ROBO1: variants seen among roughly 807,000 people sequenced by gnomAD.
The protein encoded by ROBO1 is roundabout guidance receptor 1, also known as roundabout homolog 1.
ROBO1 carries 149 observed loss-of-function variants against 195.9 expected under a neutral mutation model. That is an observed-to-expected ratio of 0.76 (90% CI 0.67 to 0.87). The LOEUF is 0.87. Among genes scored for constraint, ROBO1 ranks in the 40% least tolerant of loss-of-function variants. ROBO1 has a pLI of 0.00. For missense variants in ROBO1, 1,933 were observed against 2,068.3 expected (o/e 0.93, Z 1.27); for synonymous variants, 816 against 733.2 (o/e 1.11, Z -1.82).
At chr3:79,281,910 C>A (rs2031546258) in intron 2 of ROBO1, among the ~76,000 whole-genome samples, 2 of 152,144 alleles carry the variant, frequency 1.3e-5, no homozygotes, top group South Asian at 4.1e-4. Context: ...TTCTAGGTAT[C>A]AAAATGAATA....
intron 2 of ROBO1, among the ~76,000 whole-genome samples, chr3:79,446,604 G>C (rs4284943): frequency 0.64 from 97,807 of 151,958 alleles, 32,330 homozygotes; most frequent in African/African-American, 0.8. Context: ...TATTTTTAAA[G>C]CATGTTATAC....
chr3:78,617,954 A>G lies in ROBO1; in HGVS notation c.3963T>C (p.Asp1321=), dbSNP rs1263077704. The change falls in exon 27 of 31, where the codon GAT becomes GAC. Residue 1321 remains aspartate, a synonymous_variant. Transcript: ENST00000464233. Reference sequence around the variant, plus strand: ...CCTCTTCTGGCGCATCCGTATCCATATCTGAGACCAGGGGTCCTGAAATGT... The same window carrying G: ...CCTCTTCTGGCGCATCCGTATCCATGTCTGAGACCAGGGGTCCTGAAATGT... The part of the protein sequence containing the change: ...YGYISGPLVS[D]MDTDAPEEEE... 1 of 1,613,946 alleles carries G rather than the reference A, an allele frequency of 6.2e-7. No individual in the cohort carries two copies. The highest frequency in any genetic ancestry group is 1.7e-5 in the Admixed American group (1 of 60,014).
intron 4 of ROBO1, among the ~76,000 whole-genome samples, chr3:78,767,746 T>G (rs977234385): frequency 3.3e-5 from 5 of 152,204 alleles, no homozygotes; most frequent in African/African-American, 1.2e-4. Flanking sequence ...TGATCTTTTG[T>G]ATTTCAGTGG....
chr3:79,480,512 T>C (rs1363462278), intron 2 of ROBO1, among the ~76,000 whole-genome samples: 1 of 152,162 alleles, frequency 6.6e-6, no homozygotes, highest in Non-Finnish European at 1.5e-5. Context: ...ATTTTTTTTG[T>C]CTCACTTAAT....
At chr3:78,652,746 T>A (rs1706752987) in intron 18 of ROBO1, among the ~76,000 whole-genome samples, 2 of 152,186 alleles carry the variant, frequency 1.3e-5, no homozygotes, top group African/African-American at 2.4e-5. Flanking sequence ...TGCTGGCCAT[T>A]TTGATTCATT....
chr3:78,888,439 G>C (rs2036691081), intron 4 of ROBO1, among the ~76,000 whole-genome samples: 1 of 152,140 alleles, frequency 6.6e-6, no homozygotes, highest in Non-Finnish European at 1.5e-5. Flanking sequence ...TCTGTGGTTA[G>C]AGACTTAAAA....
intron 1 of ROBO1, among the ~76,000 whole-genome samples, chr3:79,649,853 C>T (rs768776203): frequency 3.3e-5 from 5 of 152,058 alleles, no homozygotes; most frequent in South Asian, 2.1e-4. Context: ...TTCTGGAGAT[C>T]GGACGCATCC....
At chr3:78,743,603 T>C (rs1037136822) in intron 5 of ROBO1, among the ~76,000 whole-genome samples, 1 of 149,558 alleles carries the variant, frequency 6.7e-6, no homozygotes, top group Admixed American at 6.6e-5. Context: ...CTATGCTATA[T>C]GTGCTAAAAA....
At chr3:79,465,817 G>A (rs1937927172) in intron 2 of ROBO1, among the ~76,000 whole-genome samples, 1 of 151,890 alleles carries the variant, frequency 6.6e-6, no homozygotes, top group Admixed American at 6.6e-5. Flanking sequence ...TTTCTTAATG[G>A]AATGGAAGAC....
At chr3:79,531,990 G>A (rs1941681096) in intron 2 of ROBO1, among the ~76,000 whole-genome samples, 2 of 152,148 alleles carry the variant, frequency 1.3e-5, no homozygotes, top group Non-Finnish European at 2.9e-5. Flanking sequence ...ATCTGTTTGA[G>A]AGAGAATTTG....
At chr3:78,704,777 T>C (rs890582094) in intron 8 of ROBO1, among the ~76,000 whole-genome samples, 3 of 151,812 alleles carry the variant, frequency 2.0e-5, no homozygotes, top group Admixed American at 6.6e-5. Context: ...AGGTGGTCAA[T>C]GCTGCAGTGA....
At chr3:78,959,946 G>C (rs1576470628) in intron 3 of ROBO1, among the ~76,000 whole-genome samples, 1 of 152,156 alleles carries the variant, frequency 6.6e-6, no homozygotes, top group Non-Finnish European at 1.5e-5. Flanking sequence ...TTTGGGGAGT[G>C]GGGGAGGGTG....
chr3:78,676,806 A>T (rs1169132304), intron 10 of ROBO1, among the ~76,000 whole-genome samples: 1 of 152,202 alleles, frequency 6.6e-6, no homozygotes, highest in African/African-American at 2.4e-5. Flanking sequence ...CAACATTCAG[A>T]TTCAGGAAAT....
At chr3:78,697,380 A>G (rs913872634) in intron 8 of ROBO1, among the ~76,000 whole-genome samples, 6 of 152,180 alleles carry the variant, frequency 3.9e-5, no homozygotes, top group African/African-American at 1.4e-4. Context: ...AACATTATAC[A>G]GAGGTTGGAG....
rs1014719924 is a variant in ROBO1 at position 79,360,784 on chromosome 3, A to G, written c.88+229040T>C. Reference sequence around the variant, plus strand: ...AGAGCAAATTCACAAAGCTGGCTCCATATTCCAAAGTGTGAAGCCAGGGTG... The same window carrying G: ...AGAGCAAATTCACAAAGCTGGCTCCGTATTCCAAAGTGTGAAGCCAGGGTG... On this transcript the variant is annotated intron_variant, in intron 2 of 30. Transcript: ENST00000464233. 3.9e-5 allele frequency among the ~76,000 whole-genome samples: 6 copies of G among 152,062 alleles called. 1 individual carries two copies. Among genetic ancestry groups the G allele is most frequent in the Admixed American group, 3.3e-4 (5 of 15,262 alleles).
chr3:79,273,381 G>T (rs569608364), intron 2 of ROBO1, among the ~76,000 whole-genome samples: 2 of 152,032 alleles, frequency 1.3e-5, no homozygotes, highest in African/African-American at 2.4e-5. Context: ...TTAGACTATA[G>T]AATTTTTATT....
chr3:79,308,581 C>T (rs965635994), intron 2 of ROBO1, among the ~76,000 whole-genome samples: 1 of 151,958 alleles, frequency 6.6e-6, no homozygotes, highest in African/African-American at 2.4e-5. Flanking sequence ...GAGAGAAATG[C>T]ATGGTGAAAA....
In ROBO1 at chr3:78,882,190, A is replaced by G. The variant is rs2036222665; in HGVS notation, c.499+56411T>C. ...AGTAGAGATACAGGGCTACATTTGG[A>G]GAAGGTGGAACAAGAATGGCCAATA... On this transcript the variant is annotated intron_variant, in intron 4 of 30. Transcript: ENST00000464233. 2.0e-5 allele frequency among the ~76,000 whole-genome samples: 3 copies of G among 152,168 alleles called. No individual in the cohort carries two copies. The South Asian group carries it at 6.2e-4, about 31-fold the overall frequency.
At chr3:79,012,062 A>G (rs2077794184) in intron 3 of ROBO1, among the ~76,000 whole-genome samples, 1 of 152,154 alleles carries the variant, frequency 6.6e-6, no homozygotes, top group Non-Finnish European at 1.5e-5. Context: ...TTTGAACTTG[A>G]TACTTTCTGA....
Sources: allele counts gnomAD v4.1 joint callset (sites outside exome capture counted in the v4.1 genomes callset), GRCh38; gene constraint gnomAD v4.1.1; transcripts MANE v1.5; gene names NCBI Gene and HGNC (gene_info 2026-07-23, HGNC 2026-07-21).